RADIL: variants seen among roughly 807,000 people sequenced by gnomAD.
RADIL encodes the protein Rap associating with DIL domain.
Under a neutral mutation model 97.6 loss-of-function variants are expected in RADIL, and 99 were observed. The ratio of observed to expected loss-of-function variants is 1.01; its 90% confidence interval spans 0.86 to 1.20. The LOEUF (loss-of-function observed/expected upper bound fraction) is 1.20. Among genes scored for constraint, RADIL ranks in the 50% most tolerant of loss-of-function variants. RADIL has a pLI of 0.00. For missense variants in RADIL, 1,765 were observed against 1,498.9 expected (o/e 1.18, Z -2.93); for synonymous variants, 803 against 691.8 (o/e 1.16, Z -2.52).
chr7:4,877,963 C>T lies in RADIL; in HGVS notation c.177G>A (p.Leu59=). 7 of 1,611,446 alleles carry T rather than the reference C, an allele frequency of 4.3e-6. No homozygotes were observed. Among genetic ancestry groups the T allele is most frequent in the Non-Finnish European group, 5.9e-6 (7 of 1,179,982 alleles). The change falls in exon 2 of 15, where the codon CTG becomes CTA. Residue 59 remains leucine, a synonymous_variant. Transcript: ENST00000399583. The stretch of plus-strand genomic sequence containing the variant: ...ACACCTTCAGGACACCAGGGGCCGA[C>T]AGCTGGGTGGAGAGCTCGGCGGGGT... The part of the protein sequence containing the change: ...SDDPAELSTQ[L]SAPGVLKVFG...
intron 3 of RADIL, 35 bp downstream of exon 3, chr7:4,836,323 G>T (rs1783297710): frequency 6.4e-7 from 1 of 1,558,730 alleles, no homozygotes; most frequent in East Asian, 2.4e-5. Flanking sequence ...CCCTGCAGTG[G>T]CACCGGGCAG....
chr7:4,831,137 G>A (rs1443685828), intron 5 of RADIL, among the ~76,000 whole-genome samples: 3 of 151,224 alleles, frequency 2.0e-5, no homozygotes, highest in Non-Finnish European at 2.9e-5. Context: ...GTTGCCGTGA[G>A]CCGAGATCTC....
chr7:4,845,652 T>G (rs1783548616), intron 2 of RADIL, among the ~76,000 whole-genome samples: 1 of 152,182 alleles, frequency 6.6e-6, no homozygotes, highest in Non-Finnish European at 1.5e-5. Flanking sequence ...GTTCCATTTT[T>G]TTAGACGGGG....
chr7:4,836,186 C>G lies in RADIL; in HGVS notation c.783+172G>C, dbSNP rs1460118429. Among the ~76,000 whole-genome samples the G allele has an allele frequency of 5.9e-5, 9 of 152,254 alleles. 1 individual carries two copies. The highest frequency in any genetic ancestry group is 5.2e-4 in the Admixed American group (8 of 15,288). ...GCCTGGACAGGGAAAATGTGGATGA[C>G]TCCACATGTGCCCCCGCCATCCCAC... On this transcript the variant is annotated intron_variant, in intron 3 of 14. Transcript: ENST00000399583.
intron 2 of RADIL, among the ~76,000 whole-genome samples, chr7:4,844,339 G>A (rs1783519090): frequency 2.0e-5 from 3 of 151,844 alleles, no homozygotes; most frequent in Admixed American, 1.3e-4. Flanking sequence ...CAGCTACTCG[G>A]GAGGCTGAGG....
At chr7:4,861,849 C>CCGCGACCTTCACGTCCCCCACCAA in intron 2 of RADIL, 1 of 1,383,042 alleles carries the variant, frequency 7.2e-7, no homozygotes, top group Non-Finnish European at 9.4e-7. Flanking sequence ...TCCCCCACCA[C>CCGCGACCTTCACGTCCCCCACCAA]CGCGACCTTC....
intron 2 of RADIL, among the ~76,000 whole-genome samples, chr7:4,855,069 C>G (rs1011681272): frequency 2.6e-5 from 4 of 152,202 alleles, no homozygotes; most frequent in Admixed American, 2.6e-4. Context: ...TTTCCCTCAA[C>G]ATGATGACAC....
At chr7:4,862,447 C>CT (rs1370921222) in intron 2 of RADIL, among the ~76,000 whole-genome samples, 1 of 152,202 alleles carries the variant, frequency 6.6e-6, no homozygotes, top group East Asian at 1.9e-4. Context: ...TCTGGCCATG[C>CT]TTTAAGGGCG....
intron 9 of RADIL, among the ~76,000 whole-genome samples, chr7:4,812,388 T>C (rs573499901): frequency 1.3e-5 from 2 of 152,224 alleles, no homozygotes; most frequent in African/African-American, 4.8e-5. Context: ...ATACTAGCAA[T>C]TGTGTTTTCT....
rs6962686 is a variant in RADIL, at chr7:4,857,487, C to A, written c.535+20118G>T. On this transcript the variant is annotated intron_variant, in intron 2 of 14. Coordinates refer to ENST00000399583, the MANE Select transcript of RADIL (RefSeq NM_018059.5). ...GACCATAGATCGTGTTTTCTTTTTA[C>A]TCTATTTTTTTGTATGCTTTCCCCC... Among the ~76,000 whole-genome samples the A allele has an allele frequency of 4.0e-3, 605 of 152,270 alleles. 4 individuals carry two copies. Among genetic ancestry groups the A allele is most frequent in the African/African-American group, 0.014 (575 of 41,560 alleles).
At chr7:4,832,014 T>G in intron 5 of RADIL, 127 bp downstream of exon 5, 1 of 978,494 alleles carries the variant, frequency 1.0e-6, no homozygotes, top group South Asian at 1.5e-5. Context: ...GCTGCTTGGA[T>G]GGAAGGACAA....
rs77934742 is a variant in RADIL, at chr7:4,861,697, G to A, written c.535+15908C>T. Reference sequence around the variant, plus strand: ...GGGTTTCTATTAGCCTCTGGGTGAGGAGGCAGTCCGTCTCCTTGGGGACCG... The same window carrying A: ...GGGTTTCTATTAGCCTCTGGGTGAGAAGGCAGTCCGTCTCCTTGGGGACCG... On this transcript the variant is annotated intron_variant, in intron 2 of 14. Transcript: ENST00000399583. The A allele has an allele frequency of 7.7e-4, 1,210 of 1,578,212 alleles. 7 individuals are homozygous for A. The African/African-American group carries it at 0.015, about 20-fold the overall frequency.
rs115250881 is a variant in RADIL, at chr7:4,878,349, G to A, written c.-64-146C>T. On this transcript the variant is annotated intron_variant, in intron 1 of 14. Transcript: ENST00000399583. The surrounding 1 kb of genome is among the most constrained non-coding windows in gnomAD (Gnocchi z 4.1). ...GCTTGAGCCCGGGAGTTCCAGACCA[G>A]CCTGGGAAACATAGTAAGGCCCCGG... 6.9e-3 allele frequency: 4,201 copies of A among 609,500 alleles called. 150 individuals carry two copies. The African/African-American group carries it at 0.071, about 10-fold the overall frequency. The allele number at this position is 609,500 out of a possible 1,614,324, so 37.8% of individuals were successfully genotyped here.
chr7:4,869,156 G>T (rs554909603), intron 2 of RADIL, among the ~76,000 whole-genome samples: 1 of 152,164 alleles, frequency 6.6e-6, no homozygotes, highest in Admixed American at 6.5e-5. Flanking sequence ...AAAAACAGAT[G>T]AGGTCTTGCC....
In RADIL at chr7:4,817,765, C is replaced by T. The variant is rs1025346354; in HGVS notation, c.1616-414G>A. On this transcript the variant is annotated intron_variant, in intron 6 of 14. Transcript: ENST00000399583. The surrounding 1 kb of genome is among the most constrained non-coding windows in gnomAD (Gnocchi z 8.3). ...ACTCTGGCAGCAGCCCCTGAGTGGCCGCCACTCTGTGGAATCATAAGTCTT... is the reference window on the plus strand; with the variant it reads ...ACTCTGGCAGCAGCCCCTGAGTGGCTGCCACTCTGTGGAATCATAAGTCTT... 1.3e-5 allele frequency among the ~76,000 whole-genome samples: 2 copies of T among 152,202 alleles called. No homozygotes were observed. Among genetic ancestry groups the T allele is most frequent in the Non-Finnish European group, 2.9e-5 (2 of 68,046 alleles).
rs1481851812 is a variant in RADIL, at chr7:4,834,844, G to C, written c.1179C>G (p.Ser393=). Residue 393 remains serine (S), a synonymous_variant, in exon 4 of 15, where the codon TCC becomes TCG. Coordinates refer to ENST00000399583, the MANE Select transcript of RADIL (RefSeq NM_018059.5). The surrounding 1 kb of genome is among the most constrained non-coding windows in gnomAD (Gnocchi z 6.0). ...GAALGARGAA[S]PTQAALPRRQ... ...GCCGGGGCAGGGCGGCCTGAGTAGG[G>C]GAGGCGGCTCCCCGGGCCCCGAGCG... The C allele has an allele frequency of 1.1e-5, 15 of 1,319,598 alleles. No homozygotes were observed. The highest frequency in any genetic ancestry group is 1.5e-5 in the Non-Finnish European group (15 of 1,033,694). The allele number at this position is 1,319,598 out of a possible 1,614,324, so 81.7% of individuals were successfully genotyped here.
intron 5 of RADIL, among the ~76,000 whole-genome samples, chr7:4,826,302 A>T (rs1562439086): frequency 6.6e-6 from 1 of 152,206 alleles, no homozygotes; most frequent in Non-Finnish European, 1.5e-5. Context: ...GAATAATGTC[A>T]GTAATAAAAT....
At chr7:4,869,083 T>C (rs1784195496) in intron 2 of RADIL, among the ~76,000 whole-genome samples, 1 of 152,148 alleles carries the variant, frequency 6.6e-6, no homozygotes. Flanking sequence ...GCTGAGATTG[T>C]ACCACTGCAC....
intron 2 of RADIL, among the ~76,000 whole-genome samples, chr7:4,850,224 A>AAAAAAAC (rs1783674638): frequency 6.7e-6 from 1 of 150,072 alleles, no homozygotes; most frequent in Admixed American, 6.6e-5. Context: ...TTTAAAAAAA[A>AAAAAAAC]AAAAAAAAAA....
Sources: gnomAD v4.1 joint callset for allele counts (sites outside exome capture counted in the v4.1 genomes callset) on GRCh38, gnomAD v4.1.1 for gene constraint, Gnocchi (gnomAD v3.1) non-coding constraint, MANE v1.5 for transcripts, NCBI Gene and HGNC (gene_info 2026-07-23, HGNC 2026-07-21) for gene names.